Variants in SYT1 observed in about 807,000 individuals in gnomAD.
The protein encoded by SYT1 is synaptotagmin 1, also known as synaptotagmin-1.
Under a neutral mutation model 44.8 loss-of-function variants are expected in SYT1, and 8 were observed. That is an observed-to-expected ratio of 0.18 (90% CI 0.10 to 0.32). The LOEUF (loss-of-function observed/expected upper bound fraction) is 0.32, where lower values mean the gene tolerates loss of function less well. Among genes scored for constraint, SYT1 ranks in the 10% least tolerant of loss-of-function variants. The probability of loss-of-function intolerance (pLI) is 1.00; values close to 1 mark genes in which losing one functional copy is unlikely to be tolerated. For synonymous variants in SYT1, 154 were observed against 188.8 expected (o/e 0.82, Z 1.51); for missense variants, 286 against 509.3 (o/e 0.56, Z 4.22).
At chr12:79,353,102 CGATT>C (rs1412927205) in intron 8 of SYT1, among the ~76,000 whole-genome samples, 9 of 152,098 alleles carry the variant, frequency 5.9e-5, no homozygotes, top group Middle Eastern at 6.8e-3. Context: ...AAATTTAGGT[CGATT>C]GATTCAACTA....
At chr12:79,170,702 A>G (rs61927322) in intron 3 of SYT1, among the ~76,000 whole-genome samples, 15,373 of 151,948 alleles carry the variant, frequency 0.1, 1,122 homozygotes, top group African/African-American at 0.21. Flanking sequence ...TCTTTAGTTT[A>G]ATTAGGTCCT....
chr12:78,955,817 T>TGC (rs2137313916), intron 1 of SYT1, among the ~76,000 whole-genome samples: 1 of 151,370 alleles, frequency 6.6e-6, no homozygotes, highest in East Asian at 1.9e-4. Context: ...TGTGTGTGTG[T>TGC]GTGTGTGTGT....
At chr12:79,162,472 G>C (rs73357430) in intron 3 of SYT1, among the ~76,000 whole-genome samples, 1,585 of 152,184 alleles carry the variant, frequency 0.01, 31 homozygotes, top group African/African-American at 0.036. Context: ...CCTTTGAACA[G>C]AGACCATTCT....
intron 8 of SYT1, among the ~76,000 whole-genome samples, chr12:79,346,324 T>A (rs12322522): frequency 0.032 from 4,903 of 152,248 alleles, 88 homozygotes; most frequent in Middle Eastern, 0.068. Context: ...TGCATTTTTT[T>A]AAAAATAATG....
At chr12:79,157,832 A>C (rs528812921) in intron 3 of SYT1, among the ~76,000 whole-genome samples, 96 of 152,290 alleles carry the variant, frequency 6.3e-4, no homozygotes, top group African/African-American at 2.3e-3. Context: ...CATGGTTGCT[A>C]TTATTATCCC....
At chr12:78,951,859 T>C (rs1592598374) in intron 1 of SYT1, among the ~76,000 whole-genome samples, 1 of 152,166 alleles carries the variant, frequency 6.6e-6, no homozygotes, top group African/African-American at 2.4e-5. Context: ...CTGGAGCTTA[T>C]GTGTCATTCA....
At chr12:79,245,256 GAGATC>G (rs1334744773) in intron 4 of SYT1, among the ~76,000 whole-genome samples, 17 of 149,514 alleles carry the variant, frequency 1.1e-4, no homozygotes, top group African/African-American at 3.5e-4. Flanking sequence ...ACGAGGTGAG[GAGATC>G]CTGACCATCC....
chr12:79,090,220 AG>A (rs1217367411), intron 3 of SYT1, among the ~76,000 whole-genome samples: 2 of 152,074 alleles, frequency 1.3e-5, no homozygotes, highest in East Asian at 3.9e-4. Flanking sequence ...CCCATTAAAA[AG>A]TTTTTAAGAT....
intron 1 of SYT1, among the ~76,000 whole-genome samples, chr12:78,962,295 C>T (rs1381719545): frequency 6.7e-6 from 1 of 150,144 alleles, no homozygotes; most frequent in Non-Finnish European, 1.5e-5. Context: ...ATTTTGACCA[C>T]TGCTTGGTAC....
At chr12:78,973,382 G>A (rs1278227484) in intron 1 of SYT1, among the ~76,000 whole-genome samples, 1 of 151,782 alleles carries the variant, frequency 6.6e-6, no homozygotes, top group Non-Finnish European at 1.5e-5. Flanking sequence ...GTTTCTTTTG[G>A]TCAACATCTC....
intron 3 of SYT1, among the ~76,000 whole-genome samples, chr12:79,128,219 C>A (rs1868568404): frequency 6.6e-6 from 1 of 152,002 alleles, no homozygotes; most frequent in Non-Finnish European, 1.5e-5. Context: ...CATAAGGAGA[C>A]CGTGTCTCTC....
chr12:78,982,413 A>G (rs1023382170), intron 2 of SYT1, among the ~76,000 whole-genome samples: 1 of 152,206 alleles, frequency 6.6e-6, no homozygotes, highest in Non-Finnish European at 1.5e-5. Context: ...AGACAGGTGA[A>G]TAAGATTGGG....
At chr12:78,973,445 G>C (rs774957428) in intron 1 of SYT1, among the ~76,000 whole-genome samples, 7 of 152,020 alleles carry the variant, frequency 4.6e-5, no homozygotes, top group Non-Finnish European at 7.4e-5. Flanking sequence ...TTCTATGGAG[G>C]CTTCTCAAGA....
intron 3 of SYT1, among the ~76,000 whole-genome samples, chr12:79,210,657 A>C (rs1161125301): frequency 6.6e-6 from 1 of 152,196 alleles, no homozygotes; most frequent in Non-Finnish European, 1.5e-5. Context: ...ATTGATGGAC[A>C]TTTGGGTTGG....
chr12:79,214,658 T>C (rs1333948303), intron 3 of SYT1, among the ~76,000 whole-genome samples: 2 of 152,176 alleles, frequency 1.3e-5, no homozygotes, highest in Non-Finnish European at 2.9e-5. Flanking sequence ...GAGCTGAACA[T>C]CAGTCTGAAT....
chr12:79,072,437 A>G (rs1222448851), intron 3 of SYT1, among the ~76,000 whole-genome samples: 2 of 152,180 alleles, frequency 1.3e-5, no homozygotes, highest in African/African-American at 4.8e-5. Context: ...AATATGACAC[A>G]TAAGCATAAA....
intron 4 of SYT1, among the ~76,000 whole-genome samples, chr12:79,278,596 C>G (rs954747613): frequency 6.6e-5 from 10 of 151,814 alleles, no homozygotes; most frequent in Non-Finnish European, 1.5e-4. Flanking sequence ...AATGTCATGC[C>G]TCAAGGAACT....
rs990178918 is a variant in SYT1, at chr12:79,333,049, G to A, written c.811-20453G>A. On this transcript the variant is annotated intron_variant, in intron 8 of 10. Coordinates refer to ENST00000261205, the MANE Select transcript of SYT1 (RefSeq NM_005639.3). ...CAATTCTCATAGCATTCCATCTACAGAGGGTTATAATTTCCCCAGATGTGA... is the reference window on the plus strand; with the variant it reads ...CAATTCTCATAGCATTCCATCTACAAAGGGTTATAATTTCCCCAGATGTGA... Among the ~76,000 whole-genome samples, 9 of 152,270 alleles carry A rather than the reference G, an allele frequency of 5.9e-5. No homozygotes were observed. The East Asian group carries it at 1.5e-3, about 26-fold the overall frequency.
At chr12:79,136,983 T>C (rs1342384423) in intron 3 of SYT1, among the ~76,000 whole-genome samples, 1 of 152,222 alleles carries the variant, frequency 6.6e-6, no homozygotes, top group Non-Finnish European at 1.5e-5. Context: ...GGGTCAGATA[T>C]TTGTTCCAAA....
Sources: gnomAD v4.1 joint callset for allele counts (sites outside exome capture counted in the v4.1 genomes callset) on GRCh38, gnomAD v4.1.1 for gene constraint, MANE v1.5 for transcripts, NCBI Gene and HGNC (gene_info 2026-07-23, HGNC 2026-07-21) for gene names.